Variants in NCAM1 observed in about 807,000 individuals in gnomAD.
NCAM1 encodes the protein neural cell adhesion molecule 1.
Under a neutral mutation model 109.8 loss-of-function variants are expected in NCAM1, and 14 were observed. The ratio of observed to expected loss-of-function variants is 0.13; its 90% confidence interval spans 0.08 to 0.20. The LOEUF (loss-of-function observed/expected upper bound fraction) is 0.20, where lower values mean the gene tolerates loss of function less well. NCAM1 is among the 10% of genes least tolerant of loss of function. NCAM1 has a pLI of 1.00. For missense variants in NCAM1, 774 were observed against 1,109.9 expected, an observed-to-expected ratio of 0.70 and a Z score of 4.30; for synonymous variants, 418 against 442.9, an observed-to-expected ratio of 0.94 and a Z score of 0.70.
intron 1 of NCAM1, among the ~76,000 whole-genome samples, chr11:113,182,731 A>G (rs559716662): frequency 1.3e-5 from 2 of 152,324 alleles, no homozygotes; most frequent in East Asian, 3.9e-4. Flanking sequence ...AACTTCAGCC[A>G]GCAGTGGAGA....
chr11:113,173,116 A>T (rs1943042351), intron 1 of NCAM1, among the ~76,000 whole-genome samples: 1 of 152,186 alleles, frequency 6.6e-6, no homozygotes, highest in African/African-American at 2.4e-5. Context: ...CAATGCCTGC[A>T]CAACTGCCGT....
At chr11:113,230,597 C>A (rs2137218480) in intron 9 of NCAM1, among the ~76,000 whole-genome samples, 1 of 152,296 alleles carries the variant, frequency 6.6e-6, no homozygotes, top group South Asian at 2.1e-4. Context: ...ATCCAAAGAA[C>A]CTGAAGCCAA....
At chr11:113,199,408 T>C (rs1178021069) in intron 1 of NCAM1, among the ~76,000 whole-genome samples, 1 of 152,088 alleles carries the variant, frequency 6.6e-6, no homozygotes, top group Non-Finnish European at 1.5e-5. Context: ...TTTCAGTGCT[T>C]CGTGTTTGGG....
At chr11:113,046,707 C>A in intron 1 of NCAM1, among the ~76,000 whole-genome samples, 1 of 147,288 alleles carries the variant, frequency 6.8e-6, no homozygotes, top group African/African-American at 2.5e-5. Context: ...GACAGATGAA[C>A]AGGAAGAAAG....
chr11:113,165,680 C>G (rs1413636683), intron 1 of NCAM1, among the ~76,000 whole-genome samples: 1 of 152,106 alleles, frequency 6.6e-6, no homozygotes, highest in Non-Finnish European at 1.5e-5. Context: ...CCTCTGGTTT[C>G]TCTGGTTGGG....
intron 1 of NCAM1, among the ~76,000 whole-genome samples, chr11:113,011,901 T>C (rs774209471): frequency 1.3e-5 from 2 of 151,758 alleles, no homozygotes; most frequent in South Asian, 2.1e-4. Flanking sequence ...GAGACTGGTT[T>C]GGAAAAAAAA....
At chr11:113,065,391 A>G (rs1419660323) in intron 1 of NCAM1, among the ~76,000 whole-genome samples, 1 of 152,170 alleles carries the variant, frequency 6.6e-6, no homozygotes, top group African/African-American at 2.4e-5. Context: ...GGGGCTTTGC[A>G]TAGTGATTTC....
At chr11:113,128,909 GTGTGTGTGTGT>G (rs1941285812) in intron 1 of NCAM1, among the ~76,000 whole-genome samples, 9 of 110,660 alleles carry the variant, frequency 8.1e-5, no homozygotes, top group Admixed American at 9.5e-5. Context: ...TTGTGAGGGT[GTGTGTGTGTGT>G]GTGTGTGTGT....
At chr11:112,987,045 C>T (rs180738919) in intron 1 of NCAM1, among the ~76,000 whole-genome samples, 188 of 152,024 alleles carry the variant, frequency 1.2e-3, no homozygotes, top group African/African-American at 4.1e-3. Flanking sequence ...ATAAGTTTTC[C>T]TTATGGAACT....
intron 16 of NCAM1, among the ~76,000 whole-genome samples, chr11:113,256,989 ACTAGCTAGTCTT>A (rs1945850238): frequency 6.6e-6 from 1 of 152,322 alleles, no homozygotes; most frequent in Non-Finnish European, 1.5e-5. Flanking sequence ...TAGGTCTTTA[ACTAGCTAGTCTT>A]CTGGCAAGTC....
intron 1 of NCAM1, among the ~76,000 whole-genome samples, chr11:113,051,409 C>T (rs1383059342): frequency 1.3e-5 from 2 of 152,118 alleles, no homozygotes; most frequent in Non-Finnish European, 2.9e-5. Context: ...TTAAGTCTCT[C>T]TTAATTCTAA....
chr11:113,024,602 A>G (rs1348250569), intron 1 of NCAM1, among the ~76,000 whole-genome samples: 3 of 152,174 alleles, frequency 2.0e-5, no homozygotes, highest in African/African-American at 7.2e-5. Flanking sequence ...TTGCAAAAGT[A>G]ACATAAGAAT....
intron 1 of NCAM1, among the ~76,000 whole-genome samples, chr11:113,138,093 A>G (rs1941671756): frequency 6.6e-6 from 1 of 152,206 alleles, no homozygotes; most frequent in African/African-American, 2.4e-5. Context: ...TGATTACAGC[A>G]GAGAGCAGAG....
At chr11:113,088,949 A>T (rs1939215771) in intron 1 of NCAM1, among the ~76,000 whole-genome samples, 1 of 152,188 alleles carries the variant, frequency 6.6e-6, no homozygotes, top group Non-Finnish European at 1.5e-5. Context: ...AAAAATGTAA[A>T]ATTAGCAAAG....
intron 1 of NCAM1, among the ~76,000 whole-genome samples, chr11:113,181,043 G>A (rs1181349614): frequency 6.6e-6 from 1 of 152,216 alleles, no homozygotes; most frequent in Non-Finnish European, 1.5e-5. Context: ...AAATATCCCT[G>A]ATCTGAAATA....
chr11:113,235,042 A>G lies in NCAM1; in HGVS notation c.1703A>G (p.Glu568Gly), dbSNP rs1555117987. The G allele has an allele frequency of 1.9e-6, 3 of 1,558,544 alleles. No homozygotes were observed. In the South Asian group the frequency reaches 3.5e-5, roughly 18 times the overall value. ...KWYDAKEASM[E>G]GIVTIVGLKP... ...TCCCATATTATAACAGCCAGCATGGAGGGCATCGTCACCATCGTGGGCCTG... is the reference window on the plus strand; with the variant it reads ...TCCCATATTATAACAGCCAGCATGGGGGGCATCGTCACCATCGTGGGCCTG... Residue 568 changes from glutamate to glycine, a missense_variant, in exon 14 of 20, where the codon GAG (glutamate) becomes GGG (glycine). Glu to Gly is a moderately conservative substitution (Grantham distance 98, BLOSUM62 -2). Coordinates refer to ENST00000316851, the MANE Select transcript of NCAM1 (RefSeq NM_181351.5).
chr11:113,105,021 A>C (rs912504852), intron 1 of NCAM1, among the ~76,000 whole-genome samples: 2 of 152,238 alleles, frequency 1.3e-5, no homozygotes, highest in Non-Finnish European at 2.9e-5. Context: ...TGATTTGCCT[A>C]TTGATCTGCT....
chr11:113,152,204 T>C (rs898108301), intron 1 of NCAM1, among the ~76,000 whole-genome samples: 70 of 152,256 alleles, frequency 4.6e-4, no homozygotes, highest in Non-Finnish European at 7.3e-5. Flanking sequence ...CTGGTCTTAC[T>C]TCTTTGATGT....
At chr11:113,202,339 T>TGG in intron 1 of NCAM1, 40 bp from the exon 2 acceptor site, 1 of 1,327,888 alleles carries the variant, frequency 7.5e-7, no homozygotes, top group Admixed American at 2.1e-5. Context: ...TGGGTTTTTT[T>TGG]TTGTTTTTTG....
Sources: gnomAD v4.1 joint callset for allele counts (sites outside exome capture counted in the v4.1 genomes callset) on GRCh38, gnomAD v4.1.1 for gene constraint, MANE v1.5 for transcripts, NCBI Gene and HGNC (gene_info 2026-07-23, HGNC 2026-07-21) for gene names.